The following TCTN2 variants were observed in gnomAD, a reference collection of about 807,000 sequenced individuals.
TCTN2 encodes tectonic family member 2, also known as tectonic-2.
TCTN2 carries 66 observed loss-of-function variants against 83.4 expected under a neutral mutation model. The observed-to-expected ratio is 0.79, with a 90% CI of 0.65 to 0.97. TCTN2 has a LOEUF of 0.97. Among genes scored for constraint, TCTN2 ranks in the 50% least tolerant of loss-of-function variants. The probability of loss-of-function intolerance (pLI) is 0.00; values close to 1 mark genes in which losing one functional copy is unlikely to be tolerated. For synonymous variants in TCTN2, 301 were observed against 326.7 expected, an observed-to-expected ratio of 0.92 and a Z score of 0.85; for missense variants, 794 against 858.1, an observed-to-expected ratio of 0.93 and a Z score of 0.93.
At chr12:123,697,822 T>A (rs1186102534) in intron 13 of TCTN2, among the ~76,000 whole-genome samples, 1 of 151,768 alleles carries the variant, frequency 6.6e-6, no homozygotes, top group African/African-American at 2.4e-5. Context: ...CCTAGAGCTA[T>A]GAAAAAGGCC....
chr12:123,703,122 C>A (rs1956190751), intron 14 of TCTN2, among the ~76,000 whole-genome samples: 1 of 152,010 alleles, frequency 6.6e-6, no homozygotes, highest in Non-Finnish European at 1.5e-5. Context: ...ACTTACCTAT[C>A]TAATACATAC....
chr12:123,679,394 C>T, intron 5 of TCTN2, 105 bp downstream of exon 5: 1 of 1,044,416 alleles, frequency 9.6e-7, no homozygotes. Flanking sequence ...TAGGGTCTTG[C>T]TCTGTCACCC....
chr12:123,676,088 G>C (rs576288823), intron 4 of TCTN2, among the ~76,000 whole-genome samples: 1 of 152,138 alleles, frequency 6.6e-6, no homozygotes, highest in African/African-American at 2.4e-5. Flanking sequence ...AGACCAGCCT[G>C]GGCAACATGG....
chr12:123,704,581 C>T lies in TCTN2; in HGVS notation c.1662C>T (p.Asn554=), dbSNP rs553095875. ...PGADPLASSV[N]GMCLDIPAHL... is the part of the protein sequence containing the mutation. ...CAGACCCGCTGGCTAGCAGTGTGAACGGCATGTGCCTGGATATTCCTGCTC... is the reference window on the plus strand; with the variant it reads ...CAGACCCGCTGGCTAGCAGTGTGAATGGCATGTGCCTGGATATTCCTGCTC... The change falls in exon 15 of 18, where the codon AAC becomes AAT. Residue 554 remains asparagine, a synonymous_variant. Transcript: ENST00000303372. 4.2e-5 allele frequency: 68 copies of T among 1,613,198 alleles called. No individual in the cohort carries two copies. Among genetic ancestry groups the T allele is most frequent in the Middle Eastern group, 3.3e-4 (2 of 6,052 alleles).
chr12:123,690,572 G>C lies in TCTN2; in HGVS notation c.931G>C (p.Ala311Pro), dbSNP rs778245987. Reference sequence around the variant, plus strand: ...GCAGTGTATGCAGAACGCCCCAGTGGCATTTCTTCACAATTTTGATGTTAA... The same window carrying C: ...GCAGTGTATGCAGAACGCCCCAGTGCCATTTCTTCACAATTTTGATGTTAA... ...AGQCMQNAPV[A>P]FLHNFDVKCV... is the part of the protein sequence containing the mutation. The change falls in exon 8 of 18, where the codon GCA becomes CCA. Residue 311 changes from alanine (A) to proline (P), a missense_variant. Coordinates refer to ENST00000303372, the MANE Select transcript of TCTN2 (RefSeq NM_024809.5). 1 of 1,614,158 alleles carries C rather than the reference G, an allele frequency of 6.2e-7. No individual in the cohort carries two copies. Among genetic ancestry groups the C allele is most frequent in the Admixed American group, 1.7e-5 (1 of 60,012 alleles).
chr12:123,680,709 G>T (rs1351248513), intron 5 of TCTN2, among the ~76,000 whole-genome samples: 3 of 150,990 alleles, frequency 2.0e-5, no homozygotes, highest in African/African-American at 4.9e-5. Context: ...TAGAGGCGGG[G>T]TTTCACCATG....
rs1286183900 is a variant in TCTN2, at chr12:123,686,831, T to G, written c.565-5T>G. 2.1e-5 allele frequency: 34 copies of G among 1,614,080 alleles called. No individual in the cohort carries two copies. The highest frequency in any genetic ancestry group is 2.7e-5 in the Non-Finnish European group (32 of 1,180,040). Reference sequence around the variant, plus strand: ...ACAGCTCCTGCCTTTATGTTTGTCTTCCAGGAATGCTCATCAAATTTAACA... The same window carrying G: ...ACAGCTCCTGCCTTTATGTTTGTCTGCCAGGAATGCTCATCAAATTTAACA... On this transcript the variant is annotated splice_polypyrimidine_tract_variant and splice_region_variant and intron_variant, in intron 5 of 17. Transcript: ENST00000303372.
In TCTN2 at chr12:123,679,088, C is replaced by T. The variant is rs910964704; in HGVS notation, c.464-101C>T. On this transcript the variant is annotated intron_variant, in intron 4 of 17. Transcript: ENST00000303372. ...CTGGGATTACAGGCGTGAGCCACCGCGCCTGGCCGATAATTCAGCTTTCTT... is the reference window on the plus strand; with the variant it reads ...CTGGGATTACAGGCGTGAGCCACCGTGCCTGGCCGATAATTCAGCTTTCTT... 35 of 1,087,654 alleles carry T rather than the reference C, an allele frequency of 3.2e-5. No individual in the cohort carries two copies. The Middle Eastern group carries it at 2.5e-3, about 78-fold the overall frequency. 67.4% of individuals were successfully genotyped at this position (1,087,654 alleles called of 1,614,324 possible).
At chr12:123,697,562 C>T (rs1031563368) in intron 13 of TCTN2, among the ~76,000 whole-genome samples, 4 of 151,908 alleles carry the variant, frequency 2.6e-5, no homozygotes, top group African/African-American at 9.7e-5. Context: ...TGCAGTGGTG[C>T]GATCTCGGCT....
intron 7 of TCTN2, among the ~76,000 whole-genome samples, chr12:123,689,575 G>A (rs1371754314): frequency 6.6e-6 from 1 of 152,076 alleles, no homozygotes; most frequent in Non-Finnish European, 1.5e-5. Context: ...GTAAACTTGT[G>A]TCATGGGGTT....
chr12:123,695,471 G>T, intron 11 of TCTN2, 174 bp downstream of exon 11: 1 of 529,014 alleles, frequency 1.9e-6, no homozygotes. Context: ...GCCTAGTCTG[G>T]AGTGCAGTGG....
intron 5 of TCTN2, among the ~76,000 whole-genome samples, chr12:123,680,103 A>C (rs1955878440): frequency 6.6e-6 from 1 of 151,946 alleles, no homozygotes; most frequent in Admixed American, 6.5e-5. Flanking sequence ...CTGTAATCCC[A>C]GCACTTTGGG....
chr12:123,702,247 C>T (rs568031581), intron 14 of TCTN2, among the ~76,000 whole-genome samples: 2 of 152,330 alleles, frequency 1.3e-5, no homozygotes, highest in South Asian at 4.1e-4. Flanking sequence ...GCCCAGCTCT[C>T]CCTGCAGATG....
intron 5 of TCTN2, among the ~76,000 whole-genome samples, chr12:123,684,050 T>G (rs982832580): frequency 6.6e-6 from 1 of 152,218 alleles, no homozygotes. Flanking sequence ...AGTTAATGTT[T>G]CATTGGTTTT....
chr12:123,688,858 C>T (rs898898034), intron 7 of TCTN2, among the ~76,000 whole-genome samples: 1 of 151,716 alleles, frequency 6.6e-6, no homozygotes, highest in Non-Finnish European at 1.5e-5. Flanking sequence ...CGGGTTCAAG[C>T]GATTCTCCTG....
rs1955914208 is a variant in TCTN2, at chr12:123,682,705, C to T, written c.564+3416C>T. On this transcript the variant is annotated intron_variant, in intron 5 of 17. Coordinates refer to ENST00000303372, the MANE Select transcript of TCTN2 (RefSeq NM_024809.5). ...CCATGTTGGCCAGGCTGGTCTCGAA[C>T]TCCTGACCACAAGTGATCCGCCCGC... 2.0e-5 allele frequency among the ~76,000 whole-genome samples: 3 copies of T among 151,540 alleles called. No individual in the cohort carries two copies. In the South Asian group the frequency reaches 6.3e-4, roughly 32 times the overall value.
At chr12:123,698,134 C>T (rs763353713) in intron 13 of TCTN2, among the ~76,000 whole-genome samples, 1 of 151,896 alleles carries the variant, frequency 6.6e-6, no homozygotes, top group Non-Finnish European at 1.5e-5. Context: ...CCTCTGCCTC[C>T]CAGGTTCAAG....
intron 15 of TCTN2, 90 bp from the exon 16 acceptor site, chr12:123,706,636 G>A (rs1947532958): frequency 6.3e-7 from 1 of 1,599,234 alleles, no homozygotes; most frequent in South Asian, 1.1e-5. Context: ...AGAACCTCAG[G>A]TTATATTGTG....
chr12:123,672,339 C>T (rs1955764837), intron 3 of TCTN2, among the ~76,000 whole-genome samples: 1 of 152,098 alleles, frequency 6.6e-6, no homozygotes, highest in East Asian at 1.9e-4. Context: ...TTCAGTGGGT[C>T]TGTGAACTCT....
Sources: allele counts gnomAD v4.1 joint callset (sites outside exome capture counted in the v4.1 genomes callset), GRCh38; gene constraint gnomAD v4.1.1; transcripts MANE v1.5; gene names NCBI Gene and HGNC (gene_info 2026-07-23, HGNC 2026-07-21).